The following DCDC1 variants were observed in gnomAD, a reference collection of about 807,000 sequenced individuals.
The protein encoded by DCDC1 is doublecortin domain-containing protein 1.
In DCDC1, 200 loss-of-function variants were observed where a neutral mutation model predicts 178.3. The observed-to-expected ratio is 1.12, with a 90% CI of 1.00 to 1.26. DCDC1 has a LOEUF of 1.26. DCDC1 is among the 50% of genes most tolerant of loss of function. The probability of loss-of-function intolerance (pLI) is 0.00; values close to 1 mark genes in which losing one functional copy is unlikely to be tolerated. For missense variants in DCDC1, 1,983 were observed against 1,749.2 expected (o/e 1.13, Z -2.38); for synonymous variants, 690 against 604.8 (o/e 1.14, Z -2.07).
At chr11:31,243,926 AG>A (rs1977501075) in intron 8 of DCDC1, among the ~76,000 whole-genome samples, 1 of 151,690 alleles carries the variant, frequency 6.6e-6, no homozygotes, top group Non-Finnish European at 1.5e-5. Flanking sequence ...GCACTAATAA[AG>A]GTTAGCCTCT....
chr11:30,873,362 T>TAGAG (rs1220218244), intron 38 of DCDC1, among the ~76,000 whole-genome samples: 1,580 of 137,956 alleles, frequency 0.011, 19 homozygotes, highest in African/African-American at 0.031. Context: ...TATATATATA[T>TAGAG]ATAGAGAGAG....
chr11:31,077,932 C>G lies in DCDC1; in HGVS notation c.2238-7G>C, dbSNP rs959084433. ...AGAGTCATCTCCACTATGTCTGTAA[C>G]GAAAATGTAATTTAGAGATTGACAT... On this transcript the variant is annotated splice_polypyrimidine_tract_variant and splice_region_variant and intron_variant, in intron 17 of 38. Transcript: ENST00000684477. 1.3e-6 allele frequency: 1 copy of G among 765,804 alleles called. No homozygotes were observed. The highest frequency in any genetic ancestry group is 1.3e-5 in the South Asian group (1 of 74,522). The allele number at this position is 765,804 out of a possible 1,614,324, so 47.4% of individuals were successfully genotyped here.
chr11:31,343,039 G>A (rs143236451), intron 1 of DCDC1, among the ~76,000 whole-genome samples: 2 of 152,210 alleles, frequency 1.3e-5, no homozygotes, highest in South Asian at 2.1e-4. Flanking sequence ...GCCAAGGTGG[G>A]AGGATCTCTT....
intron 17 of DCDC1, 73 bp from the exon 18 acceptor site, chr11:31,077,998 A>T (rs1956964183): frequency 1.4e-6 from 1 of 735,364 alleles, no homozygotes; most frequent in Non-Finnish European, 2.5e-6. Flanking sequence ...AAATAAAATG[A>T]TCATTTTCCA....
At chr11:31,308,866 A>G (rs1948607949) in intron 3 of DCDC1, among the ~76,000 whole-genome samples, 1 of 152,068 alleles carries the variant, frequency 6.6e-6, no homozygotes, top group Non-Finnish European at 1.5e-5. Context: ...TCTTTGCACA[A>G]ACCAAATCTG....
At chr11:30,979,816 C>T (rs1240908260) in intron 20 of DCDC1, among the ~76,000 whole-genome samples, 1 of 151,936 alleles carries the variant, frequency 6.6e-6, no homozygotes, top group African/African-American at 2.4e-5. Flanking sequence ...AAGAAGTCAC[C>T]CAATAAATAT....
At chr11:31,357,050 CAATAGAAAAAGAGGG>C (rs1203252845) in intron 1 of DCDC1, among the ~76,000 whole-genome samples, 3 of 151,548 alleles carry the variant, frequency 2.0e-5, no homozygotes, top group African/African-American at 7.3e-5. Context: ...CTATTCCAAT[CAATAGAAAAAGAGGG>C]AATCCTCCCT....
At chr11:31,166,980 G>A (rs565097438) in intron 9 of DCDC1, among the ~76,000 whole-genome samples, 13 of 152,234 alleles carry the variant, frequency 8.5e-5, no homozygotes, top group African/African-American at 2.9e-4. Flanking sequence ...ACTAATGCTA[G>A]CAATTGTCTC....
intron 29 of DCDC1, among the ~76,000 whole-genome samples, chr11:30,908,666 G>T (rs1945241845): frequency 1.3e-5 from 2 of 152,150 alleles, no homozygotes; most frequent in Admixed American, 1.3e-4. Context: ...GATAAATAAA[G>T]ACTTATTTCC....
intron 8 of DCDC1, among the ~76,000 whole-genome samples, chr11:31,255,157 G>A (rs1944326678): frequency 6.6e-6 from 1 of 152,126 alleles, no homozygotes; most frequent in Admixed American, 6.5e-5. Context: ...TCCATTGTAT[G>A]TATATACTAC....
At position 31,144,479 on chromosome 11, in the gene DCDC1, T is replaced by C. The variant is rs1052268695; in HGVS notation, c.1222-6695A>G. 2.0e-5 allele frequency among the ~76,000 whole-genome samples: 3 copies of C among 152,080 alleles called. No individual in the cohort carries two copies. The East Asian group carries it at 5.8e-4, about 29-fold the overall frequency. The stretch of plus-strand genomic sequence containing the variant: ...TTAAGGTTTGATATTCTTTGACAAA[T>C]TTTCCTCTACATAGTTGTAGCATTT... On this transcript the variant is annotated intron_variant, in intron 9 of 38. Coordinates refer to ENST00000684477, the MANE Select transcript of DCDC1 (RefSeq NM_001387274.1).
chr11:31,003,813 T>C lies in DCDC1; in HGVS notation c.2592-51245A>G, dbSNP rs557921399. Among the ~76,000 whole-genome samples, 125 of 152,260 alleles carry C rather than the reference T, an allele frequency of 8.2e-4. 1 individual carries two copies. Among genetic ancestry groups the C allele is most frequent in the African/African-American group, 2.9e-3 (120 of 41,544 alleles). On this transcript the variant is annotated intron_variant, in intron 20 of 38. Coordinates refer to ENST00000684477, the MANE Select transcript of DCDC1 (RefSeq NM_001387274.1). ...ATTAAACAGGGAGGGACAGGATGGA[T>C]TTTAGAAAGAGCACAATGTAGGAAA...
At chr11:31,335,261 C>T (rs547290958) in intron 2 of DCDC1, among the ~76,000 whole-genome samples, 186 bp downstream of exon 2, 23 of 152,278 alleles carry the variant, frequency 1.5e-4, no homozygotes, top group African/African-American at 4.3e-4. Context: ...ATTGGAAAAG[C>T]GCAGTATTTG....
chr11:30,997,017 C>T (rs1020405051), intron 20 of DCDC1, among the ~76,000 whole-genome samples: 2 of 152,108 alleles, frequency 1.3e-5, no homozygotes, highest in Non-Finnish European at 2.9e-5. Flanking sequence ...AAGGAATGAG[C>T]TGTTGCACAC....
intron 3 of DCDC1, among the ~76,000 whole-genome samples, chr11:31,325,988 C>G (rs1446080622): frequency 6.6e-6 from 1 of 152,032 alleles, no homozygotes; most frequent in African/African-American, 2.4e-5. Context: ...TTACCATTAG[C>G]CTTTATGAAC....
chr11:31,339,213 C>G (rs900206197), intron 1 of DCDC1, among the ~76,000 whole-genome samples: 2 of 152,126 alleles, frequency 1.3e-5, no homozygotes, highest in Non-Finnish European at 1.5e-5. Context: ...CACCCTCCAC[C>G]CCCTGCCAAA....
chr11:31,321,080 A>T lies in DCDC1; in HGVS notation c.164+7037T>A, dbSNP rs1366737286. On this transcript the variant is annotated intron_variant, in intron 3 of 38. Coordinates refer to ENST00000684477, the MANE Select transcript of DCDC1 (RefSeq NM_001387274.1). The stretch of plus-strand genomic sequence containing the variant: ...CAAAGCTGTCAGACAGGGACACTTA[A>T]GTCTGCAGAGGTTACTGCTGTCTTT... Among the ~76,000 whole-genome samples the T allele has an allele frequency of 7.5e-3, 25 of 3,328 alleles. 1 individual carries two copies. Among genetic ancestry groups the T allele is most frequent in the African/African-American group, 0.031 (20 of 650 alleles). 2.2% of individuals were successfully genotyped at this position (3,328 alleles called of 152,430 possible).
Position 31,346,719 on chromosome 11 carries a change from T to C in DCDC1, c.-124-11155A>G, listed in dbSNP as rs555935705. 2.0e-4 allele frequency among the ~76,000 whole-genome samples: 31 copies of C among 152,268 alleles called. No individual in the cohort carries two copies. In the South Asian group the frequency reaches 6.0e-3, roughly 29 times the overall value. On this transcript the variant is annotated intron_variant, in intron 1 of 38. Coordinates refer to ENST00000684477, the MANE Select transcript of DCDC1 (RefSeq NM_001387274.1). ...ACATATAAACCGAGGTATATGTGAGTACAATATGATTGGAGTTTGCCTTAA... is the reference window on the plus strand; with the variant it reads ...ACATATAAACCGAGGTATATGTGAGCACAATATGATTGGAGTTTGCCTTAA...
intron 9 of DCDC1, among the ~76,000 whole-genome samples, chr11:31,212,251 T>C (rs750392618): frequency 6.6e-6 from 1 of 151,916 alleles, no homozygotes; most frequent in Non-Finnish European, 1.5e-5. Context: ...AAAATAAATA[T>C]ACTAGAGGAA....
Sources: gnomAD v4.1 joint callset for allele counts (sites outside exome capture counted in the v4.1 genomes callset) on GRCh38, gnomAD v4.1.1 for gene constraint, MANE v1.5 for transcripts, NCBI Gene and HGNC (gene_info 2026-07-23, HGNC 2026-07-21) for gene names.